TRIM4: variants seen among roughly 807,000 people sequenced by gnomAD.
TRIM4 encodes E3 ubiquitin-protein ligase TRIM4.
A neutral mutation model predicts 33.7 loss-of-function variants in TRIM4; 29 were observed. That is an observed-to-expected ratio of 0.86 (90% confidence interval 0.64 to 1.17). The LOEUF (loss-of-function observed/expected upper bound fraction) is 1.17, where lower values mean the gene tolerates loss of function less well. Among genes scored for constraint, TRIM4 ranks in the 50% most tolerant of loss-of-function variants. The probability of loss-of-function intolerance (pLI) is 0.00; values close to 1 mark genes in which losing one functional copy is unlikely to be tolerated. For missense variants in TRIM4, 554 were observed against 593.7 expected (o/e 0.93, Z 0.69); for synonymous variants, 224 against 233.0 (o/e 0.96, Z 0.35).
intron 5 of TRIM4, among the ~76,000 whole-genome samples, chr7:99,899,693 A>G (rs538983112): frequency 5.3e-5 from 8 of 152,318 alleles, no homozygotes; most frequent in African/African-American, 1.9e-4. Flanking sequence ...GTCAATTATT[A>G]GGGTTCTCCA....
Position 99,917,137 on chromosome 7 carries a change from C to T in TRIM4, c.393+1872G>A, listed in dbSNP as rs1030597906. 7.2e-5 allele frequency among the ~76,000 whole-genome samples: 11 copies of T among 152,362 alleles called. No homozygotes were observed. In the East Asian group the frequency reaches 2.1e-3, roughly 29 times the overall value. ...CCTCACTCCTCAGTGATCACTCCGA[C>T]CTCAGACCTTCTGTACACTTGGTAA... On this transcript the variant is annotated intron_variant, in intron 1 of 5. Coordinates refer to ENST00000349062, the MANE Select transcript of TRIM4 (RefSeq NM_033091.3).
intron 1 of TRIM4, 89 bp from the exon 2 acceptor site, chr7:99,909,749 TTGAGACAAAGTCTCAC>T: frequency 9.9e-7 from 1 of 1,012,754 alleles, no homozygotes; most frequent in Non-Finnish European, 1.4e-6. Flanking sequence ...TTTTTTTTTT[TTGAGACAAAGTCTCAC>T]TTTGTCACCC....
intron 1 of TRIM4, among the ~76,000 whole-genome samples, chr7:99,912,252 C>T (rs1363645884): frequency 6.6e-6 from 1 of 152,128 alleles, no homozygotes; most frequent in African/African-American, 2.4e-5. Context: ...TACCATAGGC[C>T]AGGCACGGTG....
chr7:99,907,724 T>C (rs867508613), intron 3 of TRIM4, among the ~76,000 whole-genome samples: 5 of 152,214 alleles, frequency 3.3e-5, no homozygotes, highest in Non-Finnish European at 7.3e-5. Flanking sequence ...TAATAACTAC[T>C]GGGTGGGTCC....
At chr7:99,894,568 G>A (rs1198751789) in intron 5 of TRIM4, among the ~76,000 whole-genome samples, 1 of 151,998 alleles carries the variant, frequency 6.6e-6, no homozygotes, top group Non-Finnish European at 1.5e-5. Context: ...TTGGGAGGCT[G>A]AGGCAGGAGA....
intron 1 of TRIM4, chr7:99,918,010 G>A (rs947303641): frequency 3.5e-5 from 7 of 198,474 alleles, no homozygotes; most frequent in Non-Finnish European, 5.4e-5. Context: ...CATGAGATAG[G>A]ACAGATAATC....
At chr7:99,895,416 A>C (rs1266973479) in intron 5 of TRIM4, among the ~76,000 whole-genome samples, 1 of 152,216 alleles carries the variant, frequency 6.6e-6, no homozygotes, top group Admixed American at 6.5e-5. Flanking sequence ...ATCAGAGAAC[A>C]TACTCTGAAT....
chr7:99,916,734 T>A (rs1819563339), intron 1 of TRIM4: 1 of 781,090 alleles, frequency 1.3e-6, no homozygotes, highest in Non-Finnish European at 2.4e-6. Flanking sequence ...AGCAGCCTAA[T>A]TAGTCTTCTC....
chr7:99,892,567 G>A lies in TRIM4; in HGVS notation c.1021C>T (p.Pro341Ser), dbSNP rs35432946. 0.065 allele frequency: 105,655 copies of A among 1,614,126 alleles called. 3,732 individuals carry two copies. The highest frequency in any genetic ancestry group is 0.097 in the Middle Eastern group (585 of 6,062). The part of the protein sequence containing the change: ...TAFVERFQHL[P>S]CVLGKNVFTS... ...AAAACGTTTTTTCCCAGAACACAGG[G>A]TAAGTGCTGAAATCTCTCTACAAAA... is the stretch of plus-strand genomic sequence containing the variant. Residue 341 changes from proline to serine, a missense_variant, in exon 6 of 6, where the codon CCC becomes TCC. Physicochemically the swap from Pro to Ser is moderately conservative, Grantham distance 74. This residue lies in a region of TRIM4 where 290 missense variants were observed against 335.8 expected (regional missense o/e 0.86). Transcript: ENST00000349062.
chr7:99,909,418 AT>A, intron 2 of TRIM4, 146 bp downstream of exon 2: 1 of 607,716 alleles, frequency 1.6e-6, no homozygotes, highest in Non-Finnish European at 2.9e-6. Flanking sequence ...TTTCAGTCAC[AT>A]GATATGGAGG....
intron 5 of TRIM4, chr7:99,902,284 T>C (rs914847589): frequency 3.9e-5 from 27 of 683,854 alleles, no homozygotes; most frequent in Non-Finnish European, 7.2e-5. Flanking sequence ...TCTCACTCTA[T>C]CGCCCAGTCT....
rs865842146 is a variant in TRIM4 at position 99,905,629 on chromosome 7, C to G, written c.721-2031G>C. Among the ~76,000 whole-genome samples, 23 of 152,258 alleles carry G rather than the reference C, an allele frequency of 1.5e-4. No individual in the cohort carries two copies. In the South Asian group the frequency reaches 3.1e-3, roughly 21 times the overall value. On this transcript the variant is annotated intron_variant, in intron 3 of 5. Coordinates refer to ENST00000349062, the MANE Select transcript of TRIM4 (RefSeq NM_033091.3). The stretch of plus-strand genomic sequence containing the variant: ...CAGAATGTTGGCAGCATCCTACACA[C>G]AAGAGATGCTGGTAGTAACCACCCT...
chr7:99,916,640 A>T, intron 1 of TRIM4: 1 of 761,724 alleles, frequency 1.3e-6, no homozygotes, highest in South Asian at 1.4e-5. Context: ...ACTCCAGCTC[A>T]TTATCACTCC....
At chr7:99,909,894 A>G (rs1819402292) in intron 1 of TRIM4, among the ~76,000 whole-genome samples, 2 of 151,452 alleles carry the variant, frequency 1.3e-5, no homozygotes, top group Admixed American at 6.6e-5. Flanking sequence ...GTCAGGTCCA[A>G]CTAATTTTTT....
chr7:99,891,528 G>A lies in TRIM4; in HGVS notation c.*635C>T, dbSNP rs1239339842. The A allele has an allele frequency of 1.3e-5, 2 of 152,364 alleles. No individual in the cohort carries two copies. The highest frequency in any genetic ancestry group is 4.8e-5 in the African/African-American group (2 of 41,450). The allele number at this position is 152,364 out of a possible 1,614,324, so 9.4% of individuals were successfully genotyped here. A position where few individuals can be genotyped will look rare whatever the true frequency, so the allele number is the denominator to read the frequency against. On this transcript the variant is annotated 3_prime_UTR_variant, in exon 6 of 6. Transcript: ENST00000349062. ...GAGAGTGCAACATAGGCAGAGTGAG[G>A]GGGGATTCCCACAATTTTCTAAGAC... is the stretch of plus-strand genomic sequence containing the variant.
At position 99,919,118 on chromosome 7, in the gene TRIM4, C is replaced by T. The variant is rs186311047; in HGVS notation, c.284G>A (p.Arg95Gln). The change falls in exon 1 of 6, where the codon CGG becomes CAG. Residue 95 changes from arginine (R) to glutamine (Q), a missense_variant. Transcript: ENST00000349062. ...GLCGRHWEPL[R>Q]LFCEDDQRPV... ...CCGCTGGTCGTCCTCGCAGAAGAGC[C>T]GCAGCGGCTCCCAGTGGCGGCCGCA... 1.2e-5 allele frequency: 19 copies of T among 1,520,246 alleles called. No individual in the cohort carries two copies. The East Asian group carries it at 4.3e-4, about 34-fold the overall frequency. 94.2% of individuals were successfully genotyped at this position (1,520,246 alleles called of 1,614,324 possible).
At chr7:99,914,322 T>C (rs193033970) in intron 1 of TRIM4, among the ~76,000 whole-genome samples, 83 of 152,296 alleles carry the variant, frequency 5.4e-4, no homozygotes, top group Non-Finnish European at 8.8e-5. Context: ...TACATCCAGC[T>C]AATTTTTGTA....
intron 5 of TRIM4, among the ~76,000 whole-genome samples, chr7:99,900,207 C>A (rs1026963680): frequency 6.6e-6 from 1 of 152,210 alleles, no homozygotes; most frequent in African/African-American, 2.4e-5. Flanking sequence ...GTTGGAAGGC[C>A]ATTAGGCAGG....
At position 99,919,010 on chromosome 7, in the gene TRIM4, C is replaced by A; in HGVS notation, c.392G>T (p.Arg131Leu). Residue 131 changes from arginine to leucine, a missense_variant and splice_region_variant, in exon 1 of 6, where the codon CGG becomes CTG. Around this residue, in one of 3 missense-constraint regions of TRIM4, gnomAD observed 233 missense variants for 203.1 expected, o/e 1.15. Coordinates refer to ENST00000349062, the MANE Select transcript of TRIM4 (RefSeq NM_033091.3). ...TAGTCACCGCGACGGCCAGCTCACC[C>A]GGTAGCTCTCGAAGGCCTCGTCGAT... ...APIDEAFESY[R>L]EKLLKSQRNL... 6.3e-7 allele frequency: 1 copy of A among 1,589,340 alleles called. No individual in the cohort carries two copies.
Sources: allele counts gnomAD v4.1 joint callset (sites outside exome capture counted in the v4.1 genomes callset), GRCh38; gene constraint gnomAD v4.1.1; regional missense constraint gnomAD v4.1.1; transcripts MANE v1.5; gene names NCBI Gene and HGNC (gene_info 2026-07-23, HGNC 2026-07-21).